The following GLOD4 variants were observed in gnomAD, a reference collection of about 807,000 sequenced individuals.
GLOD4 encodes the protein glyoxalase domain-containing protein 4.
In GLOD4, 44 loss-of-function variants were observed where a neutral mutation model predicts 39.1. That is an observed-to-expected ratio of 1.13 (90% confidence interval 0.88 to 1.45). GLOD4 has a LOEUF of 1.45. GLOD4 is among the 40% of genes most tolerant of loss of function. The pLI is 0.00. For missense variants in GLOD4, 405 were observed against 366.4 expected, an observed-to-expected ratio of 1.11 and a Z score of -0.86; for synonymous variants, 145 against 135.0, an observed-to-expected ratio of 1.07 and a Z score of -0.52.
intron 5 of GLOD4, 52 bp from the exon 6 acceptor site, chr17:770,559 C>A (rs542652313): frequency 7.2e-6 from 6 of 830,794 alleles, no homozygotes; most frequent in African/African-American, 3.3e-5. Flanking sequence ...ATTCATTACA[C>A]GTATGTGGTA....
intron 8 of GLOD4, among the ~76,000 whole-genome samples, chr17:760,764 G>C (rs1905284739): frequency 6.6e-6 from 1 of 152,126 alleles, no homozygotes; most frequent in African/African-American, 2.4e-5. Flanking sequence ...TTCTGATGTT[G>C]GTTCTGTTTA....
At chr17:775,729 A>T in intron 4 of GLOD4, 46 bp downstream of exon 4, 1 of 1,539,650 alleles carries the variant, frequency 6.5e-7, no homozygotes, top group Non-Finnish European at 8.9e-7. Flanking sequence ...TCCTTTCACC[A>T]AAGATGCCTT....
intron 4 of GLOD4, among the ~76,000 whole-genome samples, chr17:772,071 C>G (rs978796907): frequency 2.0e-5 from 3 of 147,556 alleles, no homozygotes; most frequent in African/African-American, 7.5e-5. Flanking sequence ...TGTGTGTATT[C>G]CCAGCCACTT....
At chr17:767,388 C>A (rs1325957335) in intron 8 of GLOD4, among the ~76,000 whole-genome samples, 1 of 152,208 alleles carries the variant, frequency 6.6e-6, no homozygotes, top group Non-Finnish European at 1.5e-5. Flanking sequence ...AACAAAAGCA[C>A]TTCACTGAGT....
At chr17:768,330 C>T (rs28461298) in intron 8 of GLOD4, among the ~76,000 whole-genome samples, 9 of 133,286 alleles carry the variant, frequency 6.8e-5, no homozygotes, top group African/African-American at 8.8e-5. Context: ...CTGAAGAGGA[C>T]GTGAGAGAGA....
chr17:764,822 C>A (rs4968109), intron 8 of GLOD4: 3 of 129,790 alleles, frequency 2.3e-5, no homozygotes, highest in African/African-American at 7.8e-5. Context: ...TCCTGGCTAA[C>A]ACGGTGAAAC....
chr17:781,037 C>G (rs967868733), intron 1 of GLOD4, among the ~76,000 whole-genome samples: 6 of 150,976 alleles, frequency 4.0e-5, no homozygotes, highest in African/African-American at 1.5e-4. Context: ...TCTCTTGCCT[C>G]AGCCTCCCGA....
upstream of GLOD4, chr17:782,475 C>T: frequency 6.2e-7 from 1 of 1,613,818 alleles, no homozygotes; most frequent in South Asian, 1.1e-5. Context: ...GGTCCGGGCG[C>T]TGCGGCGGAG....
chr17:770,143 T>G lies in GLOD4; in HGVS notation c.645A>C (p.Glu215Asp), dbSNP rs145702773. The part of the protein sequence containing the change: ...SCPQKELPDL[E>D]DLMKRENQKI... Reference sequence around the variant, plus strand: ...TCTGGTTCTCCCTTTTCATCAAGTCTTCTAAGTCTGGCAACTTGAGGAAAA... The same window carrying G: ...TCTGGTTCTCCCTTTTCATCAAGTCGTCTAAGTCTGGCAACTTGAGGAAAA... The change falls in exon 7 of 9, where the codon GAA becomes GAC. Residue 215 changes from glutamate to aspartate, a missense_variant. Glu to Asp is a conservative substitution (Grantham distance 45). Transcript: ENST00000301329. 1.7e-3 allele frequency: 2,662 copies of G among 1,606,884 alleles called. 7 individuals are homozygous for G. The highest frequency in any genetic ancestry group is 2.4e-3 in the South Asian group (214 of 90,802).
upstream of GLOD4, among the ~76,000 whole-genome samples, chr17:785,683 C>T (rs1459891269): frequency 3.9e-5 from 6 of 152,194 alleles, no homozygotes; most frequent in Admixed American, 3.9e-4. Flanking sequence ...GTCCCTAAGA[C>T]AGTGCTTCTG....
At chr17:761,993 G>A (rs1366619629) in intron 8 of GLOD4, among the ~76,000 whole-genome samples, 1 of 152,216 alleles carries the variant, frequency 6.6e-6, no homozygotes, top group African/African-American at 2.4e-5. Context: ...GTCCAAAAAT[G>A]TCACATGCTC....
chr17:783,176 G>T, upstream of GLOD4: 1 of 1,614,100 alleles, frequency 6.2e-7, no homozygotes, highest in Non-Finnish European at 8.5e-7. Context: ...ACGCTCTCAA[G>T]GCTGGAGCTG....
chr17:763,050 G>A lies in GLOD4; in HGVS notation c.832-2812C>T, dbSNP rs541994549. Among the ~76,000 whole-genome samples, 7 of 152,178 alleles carry A rather than the reference G, an allele frequency of 4.6e-5. No individual in the cohort carries two copies. In the South Asian group the frequency reaches 8.3e-4, roughly 18 times the overall value. ...AAATTAGCCAGGTGTGGTGGTGGGCGCCTGTAGTCCCAGCTACTCGGGAGG... is the reference window on the plus strand; with the variant it reads ...AAATTAGCCAGGTGTGGTGGTGGGCACCTGTAGTCCCAGCTACTCGGGAGG... On this transcript the variant is annotated intron_variant, in intron 8 of 8. Coordinates refer to ENST00000301329, the MANE Select transcript of GLOD4 (RefSeq NM_016080.4).
At chr17:770,392 A>T (rs769903260) in intron 6 of GLOD4, 29 bp downstream of exon 6, 2 of 1,143,754 alleles carry the variant, frequency 1.7e-6, no homozygotes, top group Non-Finnish European at 2.7e-6. Flanking sequence ...CTAGTCAGAA[A>T]GCTCAAACGA....
At chr17:775,216 A>G (rs1908691175) in intron 4 of GLOD4, among the ~76,000 whole-genome samples, 1 of 151,646 alleles carries the variant, frequency 6.6e-6, no homozygotes, top group Non-Finnish European at 1.5e-5. Context: ...GGTTGCAGTG[A>G]GCAGAGATCA....
intron 1 of GLOD4, chr17:780,872 T>C (rs1909808884): frequency 6.5e-6 from 1 of 153,904 alleles, no homozygotes; most frequent in Non-Finnish European, 1.5e-5. Context: ...TATAATCTAC[T>C]ATTACCGATA....
chr17:777,822 C>A (rs944520243), intron 2 of GLOD4: 1 of 152,184 alleles, frequency 6.6e-6, no homozygotes, highest in African/African-American at 2.4e-5. Flanking sequence ...CCCTTTCAGT[C>A]ACACCTGAGT....
At chr17:785,634 C>T (rs1482656740), upstream of GLOD4, among the ~76,000 whole-genome samples, 5 of 152,200 alleles carry the variant, frequency 3.3e-5, no homozygotes, top group Non-Finnish European at 7.3e-5. Context: ...GTGACTCAAG[C>T]GTTCACTGCA....
At chr17:769,835 C>T (rs1046655436) in intron 8 of GLOD4, 34 bp downstream of exon 8, 17 of 1,202,970 alleles carry the variant, frequency 1.4e-5, no homozygotes, top group Admixed American at 6.7e-5. Flanking sequence ...CCCTCTCAGG[C>T]CCATGGTGAC....
Sources: allele counts gnomAD v4.1 joint callset (sites outside exome capture counted in the v4.1 genomes callset), GRCh38; gene constraint gnomAD v4.1.1; transcripts MANE v1.5; gene names NCBI Gene and HGNC (gene_info 2026-07-23, HGNC 2026-07-21).